ATRNL1: variants seen among roughly 807,000 people sequenced by gnomAD.
The protein encoded by ATRNL1 is attractin-like protein 1.
ATRNL1 carries 95 observed loss-of-function variants against 182.7 expected under a neutral mutation model. That is an observed-to-expected ratio of 0.52 (90% CI 0.44 to 0.62). ATRNL1 has a LOEUF of 0.62. Ranked by LOEUF, ATRNL1 falls within the 20% of genes least tolerant of loss-of-function variation. The probability of loss-of-function intolerance (pLI) is 0.00; values close to 1 mark genes in which losing one functional copy is unlikely to be tolerated. For synonymous variants in ATRNL1, 576 were observed against 568.3 expected (o/e 1.01, Z -0.19); for missense variants, 1,471 against 1,679.5 (o/e 0.88, Z 2.17).
At chr10:115,519,089 T>G (rs2133700072) in intron 24 of ATRNL1, among the ~76,000 whole-genome samples, 174 bp from the exon 25 acceptor site, 1 of 152,160 alleles carries the variant, frequency 6.6e-6, no homozygotes, top group South Asian at 2.1e-4. Flanking sequence ...CATTAGCAGT[T>G]GGATATATTA....
chr10:115,627,012 G>C (rs1858150677), intron 26 of ATRNL1, among the ~76,000 whole-genome samples: 1 of 152,144 alleles, frequency 6.6e-6, no homozygotes, highest in Non-Finnish European at 1.5e-5. Context: ...CATAAATGAG[G>C]TAATTTTTAC....
intron 19 of ATRNL1, among the ~76,000 whole-genome samples, chr10:115,383,969 A>AATATC (rs1245875030): frequency 1.3e-5 from 2 of 152,028 alleles, no homozygotes; most frequent in Admixed American, 1.3e-4. Context: ...AAGCAAGGAA[A>AATATC]ATATCAAAAA....
intron 14 of ATRNL1, among the ~76,000 whole-genome samples, chr10:115,284,641 G>T (rs146316567): frequency 4.6e-4 from 70 of 152,248 alleles, no homozygotes; most frequent in African/African-American, 1.4e-3. Context: ...ATTTGGTGAA[G>T]ACTAATAGTA....
chr10:115,939,084 A>G (rs1035676861), intron 28 of ATRNL1, among the ~76,000 whole-genome samples: 2 of 152,232 alleles, frequency 1.3e-5, no homozygotes, highest in African/African-American at 2.4e-5. Flanking sequence ...TCTTTCCACA[A>G]TGTATACATA....
intron 17 of ATRNL1, among the ~76,000 whole-genome samples, chr10:115,304,950 A>G (rs1344092725): frequency 2.0e-5 from 3 of 152,128 alleles, no homozygotes; most frequent in Non-Finnish European, 4.4e-5. Flanking sequence ...TTAAAAAGAA[A>G]TGAAAACTTT....
At chr10:115,563,391 A>T (rs1437970174) in intron 26 of ATRNL1, among the ~76,000 whole-genome samples, 2 of 152,148 alleles carry the variant, frequency 1.3e-5, no homozygotes, top group Non-Finnish European at 2.9e-5. Context: ...TTATGCCATA[A>T]TTTGCACATC....
chr10:115,929,056 G>A (rs1555120971), intron 28 of ATRNL1, among the ~76,000 whole-genome samples: 1 of 151,960 alleles, frequency 6.6e-6, no homozygotes, highest in Non-Finnish European at 1.5e-5. Flanking sequence ...AAAAACATGA[G>A]AGAATCAAAA....
At chr10:115,532,334 A>T (rs1292032377) in intron 25 of ATRNL1, among the ~76,000 whole-genome samples, 3 of 152,050 alleles carry the variant, frequency 2.0e-5, no homozygotes, top group Non-Finnish European at 4.4e-5. Flanking sequence ...CTCCTTGAAG[A>T]GGTCCTTCAC....
intron 8 of ATRNL1, among the ~76,000 whole-genome samples, chr10:115,199,257 G>GT (rs1435595860): frequency 6.6e-6 from 1 of 151,568 alleles, no homozygotes; most frequent in African/African-American, 2.4e-5. Flanking sequence ...AGTATTTTCA[G>GT]TTTTTTTAAT....
At chr10:115,476,896 G>C (rs782729112) in intron 24 of ATRNL1, among the ~76,000 whole-genome samples, 53 of 150,984 alleles carry the variant, frequency 3.5e-4, no homozygotes, top group Non-Finnish European at 6.4e-4. Context: ...TATATTTATT[G>C]CTTCACTTAT....
chr10:115,899,149 T>C (rs1952284287), intron 28 of ATRNL1, among the ~76,000 whole-genome samples: 1 of 152,062 alleles, frequency 6.6e-6, no homozygotes, highest in African/African-American at 2.4e-5. Context: ...ATGTTCCCAT[T>C]CCTGTGTCCA....
intron 28 of ATRNL1, among the ~76,000 whole-genome samples, chr10:115,872,070 T>C (rs560137473): frequency 3.9e-5 from 6 of 152,232 alleles, no homozygotes; most frequent in South Asian, 4.1e-4. Context: ...TAAAGACTTA[T>C]TGAGTTACAG....
chr10:115,913,553 A>T (rs1312377598), intron 28 of ATRNL1, among the ~76,000 whole-genome samples: 3 of 152,214 alleles, frequency 2.0e-5, no homozygotes, highest in Non-Finnish European at 2.9e-5. Context: ...ATTTCATTTA[A>T]TCATCTGTGC....
chr10:115,398,217 G>A (rs1255422015), intron 20 of ATRNL1, among the ~76,000 whole-genome samples: 2 of 152,010 alleles, frequency 1.3e-5, no homozygotes, highest in Non-Finnish European at 2.9e-5. Flanking sequence ...GGGATTGGCA[G>A]CCGCAGTGGG....
At chr10:115,816,099 G>A (rs568830130) in intron 27 of ATRNL1, among the ~76,000 whole-genome samples, 4 of 152,240 alleles carry the variant, frequency 2.6e-5, no homozygotes, top group Non-Finnish European at 2.9e-5. Context: ...TAGAACATAA[G>A]AAACATCAGT....
chr10:115,915,893 G>T (rs943628491), intron 28 of ATRNL1, among the ~76,000 whole-genome samples: 2 of 151,990 alleles, frequency 1.3e-5, no homozygotes, highest in East Asian at 3.9e-4. Context: ...CAATTTAATT[G>T]CACAGGCTTT....
intron 13 of ATRNL1, among the ~76,000 whole-genome samples, chr10:115,278,282 A>G (rs186037215): frequency 6.7e-6 from 1 of 148,872 alleles, no homozygotes; most frequent in East Asian, 1.9e-4. Flanking sequence ...ATTCATTCCA[A>G]TTCCAAGAAC....
At chr10:115,605,841 T>A (rs1210140166) in intron 26 of ATRNL1, among the ~76,000 whole-genome samples, 1 of 151,690 alleles carries the variant, frequency 6.6e-6, no homozygotes, top group Non-Finnish European at 1.5e-5. Context: ...TAATAATAAT[T>A]CAATCTGTTT....
At chr10:115,611,064 T>TTTTTTTTA (rs1555018848) in intron 26 of ATRNL1, among the ~76,000 whole-genome samples, 1 of 151,766 alleles carries the variant, frequency 6.6e-6, no homozygotes, top group Non-Finnish European at 1.5e-5. Context: ...CTTTTTTTTT[T>TTTTTTTTA]ACTATATACC....
Sources: allele counts gnomAD v4.1 joint callset (sites outside exome capture counted in the v4.1 genomes callset), GRCh38; gene constraint gnomAD v4.1.1; transcripts MANE v1.5; gene names NCBI Gene and HGNC (gene_info 2026-07-23, HGNC 2026-07-21).